NVL: variants seen among roughly 807,000 people sequenced by gnomAD.
The protein encoded by NVL is nuclear valosin-containing protein-like.
Under a neutral mutation model 110.2 loss-of-function variants are expected in NVL, and 84 were observed. That is an observed-to-expected ratio of 0.76 (90% CI 0.64 to 0.91). The LOEUF (loss-of-function observed/expected upper bound fraction) is 0.91. Ranked by LOEUF, NVL falls within the 40% of genes least tolerant of loss-of-function variation. NVL has a pLI of 0.00. For missense variants in NVL, 882 were observed against 1,035.9 expected, an observed-to-expected ratio of 0.85 and a Z score of 2.04; for synonymous variants, 354 against 361.1, an observed-to-expected ratio of 0.98 and a Z score of 0.22.
chr1:224,287,640 A>G, intron 14 of NVL, 135 bp downstream of exon 14: 1 of 623,032 alleles, frequency 1.6e-6, no homozygotes, highest in East Asian at 2.7e-5. Flanking sequence ...AAGAAGTGCT[A>G]CATTCAAGTC....
chr1:224,297,413 C>A (rs1038587015), intron 10 of NVL, among the ~76,000 whole-genome samples: 4 of 152,016 alleles, frequency 2.6e-5, no homozygotes, highest in African/African-American at 9.7e-5. Flanking sequence ...GGATCAGCTA[C>A]CGAGAGTAGT....
chr1:224,236,436 T>C (rs1660477939), intron 20 of NVL, 70 bp downstream of exon 20: 1 of 1,152,318 alleles, frequency 8.7e-7, no homozygotes, highest in Non-Finnish European at 1.3e-6. Flanking sequence ...GTGAGCATCA[T>C]CACCCCTCAT....
chr1:224,307,894 C>T, intron 6 of NVL, 97 bp downstream of exon 6: 1 of 1,204,550 alleles, frequency 8.3e-7, no homozygotes, highest in Non-Finnish European at 1.1e-6. Flanking sequence ...GTTCCTATGC[C>T]TTCCACAAAA....
intron 12 of NVL, 110 bp from the exon 13 acceptor site, chr1:224,289,843 G>C: frequency 1.0e-6 from 1 of 973,116 alleles, no homozygotes; most frequent in Admixed American, 2.8e-5. Context: ...TATCAAAATG[G>C]ATACTATATA....
At chr1:224,272,515 C>G (rs1158557976) in intron 17 of NVL, among the ~76,000 whole-genome samples, 1 of 151,076 alleles carries the variant, frequency 6.6e-6, no homozygotes, top group Non-Finnish European at 1.5e-5. Flanking sequence ...GTCAGGAGTT[C>G]AAGACCAGCC....
Position 224,289,726 on chromosome 1 carries a change from G to T in NVL, c.1333C>A (p.Gln445Lys). Residue 445 changes from glutamine (Q) to lysine (K), a missense_variant, in exon 13 of 23, where the codon CAA becomes AAA. By Grantham distance (53) the Gln-to-Lys change is moderately conservative. Coordinates refer to ENST00000281701, the MANE Select transcript of NVL (RefSeq NM_002533.4). ...PDEASRERIL[Q>K]TLCRKLRLPQ... is the part of the protein sequence containing the mutation. ...AGCCTCAGTTTTCTGCACAATGTTTGAAGTATTCTGTAGAAAAGACAGGGG... is the reference window on the plus strand; with the variant it reads ...AGCCTCAGTTTTCTGCACAATGTTTTAAGTATTCTGTAGAAAAGACAGGGG... The T allele has an allele frequency of 6.2e-7, 1 of 1,611,834 alleles. No individual in the cohort carries two copies. The highest frequency in any genetic ancestry group is 8.5e-7 in the Non-Finnish European group (1 of 1,178,516).
chr1:224,289,631 T>C lies in NVL; in HGVS notation c.1428A>G (p.Ala476=). Reference sequence around the variant, plus strand: ...CACACATTGCTGCCTCTCGGCACAGTGCCATGAGATCAGCACCAACAAAGC... The same window carrying C: ...CACACATTGCTGCCTCTCGGCACAGCGCCATGAGATCAGCACCAACAAAGC... ...TPGFVGADLM[A]LCREAAMCAV... Residue 476 remains alanine, a synonymous_variant, in exon 13 of 23, where the codon GCA becomes GCG. Coordinates refer to ENST00000281701, the MANE Select transcript of NVL (RefSeq NM_002533.4). 1 of 1,614,260 alleles carries C rather than the reference T, an allele frequency of 6.2e-7. No homozygotes were observed. The highest frequency in any genetic ancestry group is 8.5e-7 in the Non-Finnish European group (1 of 1,180,054).
At chr1:224,293,820 T>A (rs1667606654) in intron 12 of NVL, among the ~76,000 whole-genome samples, 1 of 152,200 alleles carries the variant, frequency 6.6e-6, no homozygotes, top group South Asian at 2.1e-4. Flanking sequence ...GTTTTCTTCC[T>A]CTTTTTTTAC....
In NVL at chr1:224,237,983, A is replaced by AAAG. The variant is rs1660706261; in HGVS notation, c.2290-1404_2290-1402dup. ...TTTCAAAAAAAAAAAAAAAAAAAAAAAAGAAGAAACACACACAAAAGTGAA... is the reference window on the plus strand; with the variant it reads ...TTTCAAAAAAAAAAAAAAAAAAAAAAAAGAAGAAGAAACACACACAAAAGTGAA... On this transcript the variant is annotated intron_variant, in intron 19 of 22. Coordinates refer to ENST00000281701, the MANE Select transcript of NVL (RefSeq NM_002533.4). 6.0e-5 allele frequency among the ~76,000 whole-genome samples: 9 copies of AAAG among 150,296 alleles called. 1 individual carries two copies. Among genetic ancestry groups the AAAG allele is most frequent in the African/African-American group, 2.2e-4 (9 of 41,156 alleles).
Position 224,268,130 on chromosome 1 carries a change from C to T in NVL, c.2086G>A (p.Gly696Arg). ...LCPRRSDRET[G>R]ASVRVVNQLL... Reference sequence around the variant, plus strand: ...TGATTCACCACTCGGACACTTGCCCCTGTCTAAAAAGACATAAATCTGGTT... The same window carrying T: ...TGATTCACCACTCGGACACTTGCCCTTGTCTAAAAAGACATAAATCTGGTT... The change falls in exon 18 of 23, where the codon GGG (glycine) becomes AGG (arginine). Residue 696 changes from glycine to arginine, a missense_variant. Physicochemically the swap from Gly to Arg is moderately radical, Grantham distance 125. Transcript: ENST00000281701. 6.2e-7 allele frequency: 1 copy of T among 1,612,046 alleles called. No individual in the cohort carries two copies. The highest frequency in any genetic ancestry group is 8.5e-7 in the Non-Finnish European group (1 of 1,178,458).
chr1:224,236,358 A>C (rs144946493), intron 20 of NVL, 148 bp downstream of exon 20: 1 of 622,960 alleles, frequency 1.6e-6, no homozygotes, highest in African/African-American at 1.8e-5. Context: ...TTCTCTAAGA[A>C]GGGAGATGCC....
At chr1:224,267,257 G>C (rs1664581575) in intron 18 of NVL, among the ~76,000 whole-genome samples, 1 of 152,214 alleles carries the variant, frequency 6.6e-6, no homozygotes, top group South Asian at 2.1e-4. Context: ...ATTCAGGGCA[G>C]ATATAGGGGC....
chr1:224,278,496 G>T (rs551661563), intron 16 of NVL, among the ~76,000 whole-genome samples: 28 of 152,154 alleles, frequency 1.8e-4, no homozygotes, highest in African/African-American at 6.5e-4. Flanking sequence ...CTCCCAAAGT[G>T]CAGGGATTAT....
At chr1:224,326,685 C>G (rs1268197554) in intron 1 of NVL, among the ~76,000 whole-genome samples, 4 of 152,060 alleles carry the variant, frequency 2.6e-5, no homozygotes, top group African/African-American at 9.7e-5. Flanking sequence ...TAATAATTAT[C>G]AGAATAGTTA....
intron 2 of NVL, among the ~76,000 whole-genome samples, chr1:224,320,274 T>C (rs1670511072): frequency 6.6e-6 from 1 of 152,212 alleles, no homozygotes; most frequent in South Asian, 2.1e-4. Flanking sequence ...CCTTAGGGAA[T>C]AGATAGTATG....
intron 10 of NVL, among the ~76,000 whole-genome samples, chr1:224,299,294 G>GT (rs1452118355): frequency 6.6e-6 from 1 of 152,078 alleles, no homozygotes; most frequent in African/African-American, 2.4e-5. Context: ...ACTTGTCAGT[G>GT]ACCTGGAAAG....
intron 17 of NVL, among the ~76,000 whole-genome samples, chr1:224,272,120 G>A (rs1480689564): frequency 2.0e-5 from 3 of 151,940 alleles, no homozygotes; most frequent in Non-Finnish European, 2.9e-5. Flanking sequence ...TGGATCACCT[G>A]AGGTTAGAAG....
intron 1 of NVL, among the ~76,000 whole-genome samples, chr1:224,326,765 C>T (rs1351566770): frequency 1.3e-5 from 2 of 152,084 alleles, no homozygotes; most frequent in Admixed American, 6.6e-5. Flanking sequence ...CTGCAGTAAA[C>T]TCATAAGGGT....
intron 17 of NVL, among the ~76,000 whole-genome samples, chr1:224,273,417 G>GA (rs74741044): frequency 0.019 from 2,177 of 114,018 alleles, 52 homozygotes; most frequent in African/African-American, 0.055. Context: ...TCTCTCAAAA[G>GA]AAAAAAAAAA....
Sources: allele counts gnomAD v4.1 joint callset (sites outside exome capture counted in the v4.1 genomes callset), GRCh38; gene constraint gnomAD v4.1.1; transcripts MANE v1.5; gene names NCBI Gene and HGNC (gene_info 2026-07-23, HGNC 2026-07-21).